OLFM3: variants seen among roughly 807,000 people sequenced by gnomAD.
OLFM3 encodes olfactomedin 3.
A neutral mutation model predicts 48.6 loss-of-function variants in OLFM3; 20 were observed. That is an observed-to-expected ratio of 0.41 (90% CI 0.29 to 0.60). The LOEUF (loss-of-function observed/expected upper bound fraction) is 0.60, where lower values mean the gene tolerates loss of function less well. Among genes scored for constraint, OLFM3 ranks in the 20% least tolerant of loss-of-function variants. The pLI is 0.28. For synonymous variants in OLFM3, 222 were observed against 198.1 expected (o/e 1.12, Z -1.01); for missense variants, 437 against 544.3 (o/e 0.80, Z 1.96).
rs140049347 is a variant in OLFM3 at position 101,977,660 on chromosome 1, G to A, written c.69+19088C>T. 7.2e-5 allele frequency among the ~76,000 whole-genome samples: 11 copies of A among 152,164 alleles called. No homozygotes were observed. The East Asian group carries it at 1.4e-3, about 19-fold the overall frequency. On this transcript the variant is annotated intron_variant, in intron 1 of 5. Transcript: ENST00000370103. ...GTAAAGACAGAATATTTAAAATGGC[G>A]TCCTTTCACCTCTCTTTAGTCAACT...
chr1:101,878,771 C>T (rs748493143), intron 1 of OLFM3, among the ~76,000 whole-genome samples: 3 of 151,862 alleles, frequency 2.0e-5, no homozygotes, highest in Non-Finnish European at 2.9e-5. Context: ...AAAACAGAAG[C>T]AACCACAGTC....
intron 1 of OLFM3, among the ~76,000 whole-genome samples, chr1:101,995,213 T>C (rs577220209): frequency 6.6e-6 from 1 of 152,254 alleles, no homozygotes; most frequent in Admixed American, 6.5e-5. Context: ...AGTGATTAAC[T>C]TTGCTTTTAG....
intron 1 of OLFM3, among the ~76,000 whole-genome samples, chr1:101,924,369 A>G (rs1011138995): frequency 6.6e-6 from 1 of 152,170 alleles, no homozygotes; most frequent in Non-Finnish European, 1.5e-5. Context: ...ATTCAAGTAT[A>G]TTACTTTTGT....
chr1:101,989,632 G>C (rs534804156), intron 1 of OLFM3, among the ~76,000 whole-genome samples: 1 of 151,698 alleles, frequency 6.6e-6, no homozygotes, highest in Non-Finnish European at 1.5e-5. Flanking sequence ...GTATAGAAAA[G>C]AAAAAAAATT....
rs546845233 is a variant in OLFM3 at position 101,905,440 on chromosome 1, G to A, written c.70-68415C>T. Reference sequence around the variant, plus strand: ...TACTCTGTATCCAGACTGGGTGTGAGAAACTGTTAACTCATCCTGGTGCTA... The same window carrying A: ...TACTCTGTATCCAGACTGGGTGTGAAAAACTGTTAACTCATCCTGGTGCTA... On this transcript the variant is annotated intron_variant, in intron 1 of 5. Transcript: ENST00000370103. Among the ~76,000 whole-genome samples, 13 of 152,274 alleles carry A rather than the reference G, an allele frequency of 8.5e-5. No individual in the cohort carries two copies. The South Asian group carries it at 2.7e-3, about 32-fold the overall frequency.
At chr1:101,880,277 G>A (rs1657468394) in intron 1 of OLFM3, among the ~76,000 whole-genome samples, 1 of 151,724 alleles carries the variant, frequency 6.6e-6, no homozygotes, top group South Asian at 2.1e-4. Flanking sequence ...TCTGCCAAAA[G>A]ACAGTTTCTA....
At chr1:101,935,291 A>T (rs1332264375) in intron 1 of OLFM3, among the ~76,000 whole-genome samples, 1 of 149,230 alleles carries the variant, frequency 6.7e-6, no homozygotes, top group Non-Finnish European at 1.5e-5. Flanking sequence ...CAAAGGGAAC[A>T]TTACTACTGA....
chr1:101,810,663 A>C (rs1654005482), intron 4 of OLFM3, among the ~76,000 whole-genome samples: 1 of 151,978 alleles, frequency 6.6e-6, no homozygotes, highest in Non-Finnish European at 1.5e-5. Flanking sequence ...AATAGTTTGC[A>C]GAAGTGGAAA....
chr1:101,812,554 G>T, intron 4 of OLFM3: 1 of 985,426 alleles, frequency 1.0e-6, no homozygotes, highest in Non-Finnish European at 1.2e-6. Flanking sequence ...TGTCCTTGGA[G>T]CTCTGAATCA....
chr1:101,870,087 T>A (rs1040036616), intron 1 of OLFM3, among the ~76,000 whole-genome samples: 2 of 152,314 alleles, frequency 1.3e-5, no homozygotes, highest in East Asian at 3.9e-4. Flanking sequence ...GTTAACAATA[T>A]TAACATTCCC....
intron 3 of OLFM3, among the ~76,000 whole-genome samples, chr1:101,828,040 CTG>C (rs745404756): frequency 0.024 from 2,424 of 102,476 alleles, 32 homozygotes; most frequent in Non-Finnish European, 0.031. Context: ...CTCTGTCTGT[CTG>C]TCTGTCTGTC....
At chr1:101,814,238 C>T (rs1654218701) in intron 4 of OLFM3, among the ~76,000 whole-genome samples, 2 of 148,550 alleles carry the variant, frequency 1.3e-5, no homozygotes, top group South Asian at 4.3e-4. Context: ...GTGCTTCATT[C>T]ATTTATTTAT....
chr1:101,812,423 TGAA>T, intron 4 of OLFM3: 1 of 985,374 alleles, frequency 1.0e-6, no homozygotes, highest in East Asian at 1.1e-4. Flanking sequence ...ATTGCCAGAC[TGAA>T]GCATGATTTG....
chr1:101,905,600 T>G (rs1194015896), intron 1 of OLFM3, among the ~76,000 whole-genome samples: 1 of 152,160 alleles, frequency 6.6e-6, no homozygotes, highest in South Asian at 2.1e-4. Context: ...CTCATCAAGC[T>G]AACAGCCAGT....
At chr1:101,978,007 T>A (rs1166995268) in intron 1 of OLFM3, among the ~76,000 whole-genome samples, 1 of 152,092 alleles carries the variant, frequency 6.6e-6, no homozygotes, top group Non-Finnish European at 1.5e-5. Flanking sequence ...GATTAGTACA[T>A]TAGTTACAAG....
At chr1:101,950,043 A>AG (rs1238711255) in intron 1 of OLFM3, among the ~76,000 whole-genome samples, 70 of 151,650 alleles carry the variant, frequency 4.6e-4, no homozygotes, top group African/African-American at 1.6e-3. Context: ...AAAAAAAAAA[A>AG]AAAAAGAAAA....
At chr1:101,838,274 G>C (rs558473690) in intron 1 of OLFM3, among the ~76,000 whole-genome samples, 6 of 152,250 alleles carry the variant, frequency 3.9e-5, no homozygotes, top group African/African-American at 1.2e-4. Context: ...GGCCAGCCTG[G>C]TCTTGAATTC....
At chr1:101,963,855 C>T (rs1297611155) in intron 1 of OLFM3, among the ~76,000 whole-genome samples, 1 of 151,908 alleles carries the variant, frequency 6.6e-6, no homozygotes, top group African/African-American at 2.4e-5. Context: ...TTCTTTTACA[C>T]TGTCAACATA....
In OLFM3 at chr1:101,825,260, C is replaced by A. The variant is rs997152398; in HGVS notation, c.373-15G>T. The A allele has an allele frequency of 4.4e-6, 7 of 1,603,578 alleles. No homozygotes were observed. The African/African-American group carries it at 9.4e-5, about 21-fold the overall frequency. On this transcript the variant is annotated splice_polypyrimidine_tract_variant and intron_variant, in intron 3 of 5. Coordinates refer to ENST00000370103, the MANE Select transcript of OLFM3 (RefSeq NM_058170.4). ...TCTTTCAACTCCTGTGAAAAGCAGC[C>A]TATTGTTCCTGAGAGTCATTTAAAA...
Sources: allele counts gnomAD v4.1 joint callset (sites outside exome capture counted in the v4.1 genomes callset), GRCh38; gene constraint gnomAD v4.1.1; transcripts MANE v1.5; gene names NCBI Gene and HGNC (gene_info 2026-07-23, HGNC 2026-07-21).